The following USP19 variants were observed in gnomAD, a reference collection of about 807,000 sequenced individuals.
USP19 encodes ubiquitin carboxyl-terminal hydrolase 19.
A neutral mutation model predicts 144.8 loss-of-function variants in USP19; 40 were observed. That is an observed-to-expected ratio of 0.28 (90% CI 0.21 to 0.36). USP19 has a LOEUF of 0.36. Ranked by LOEUF, USP19 falls within the 10% of genes least tolerant of loss-of-function variation. The pLI is 1.00. For missense variants in USP19, 1,518 were observed against 1,822.5 expected (o/e 0.83, Z 3.04); for synonymous variants, 701 against 709.3 (o/e 0.99, Z 0.19).
Position 49,108,457 on chromosome 3 carries a change from C to G in USP19, c.4110G>C (p.Val1370=). ...RTAPERFAPP[V]DRPAPTYSNM... The stretch of plus-strand genomic sequence containing the variant: ...TGCTGTAGGTGGGGGCTGGCCGATC[C>G]ACAGGGGGGGCGAAGCGTTCAGGGG... The change falls in exon 27 of 27, where the codon GTG becomes GTC. Residue 1370 remains valine (V), a synonymous_variant. Transcript: ENST00000417901. This position sits in a 1 kb window ranked among gnomAD's most constrained non-coding sequence, Gnocchi z 4.8. 1 of 1,360,430 alleles carries G rather than the reference C, an allele frequency of 7.4e-7. No individual in the cohort carries two copies. The highest frequency in any genetic ancestry group is 9.6e-7 in the Non-Finnish European group (1 of 1,045,454). The allele number at this position is 1,360,430 out of a possible 1,614,324, so 84.3% of individuals were successfully genotyped here. A position where few individuals can be genotyped will look rare whatever the true frequency, so the allele number is the denominator to read the frequency against.
At chr3:49,119,380 G>A in intron 1 of USP19, 99 bp from the exon 2 acceptor site, 1 of 487,952 alleles carries the variant, frequency 2.0e-6, no homozygotes, top group South Asian at 3.0e-5. Context: ...CTACAGAGCT[G>A]TATCTTCTCA....
At chr3:49,120,108 T>G (rs983530242) in intron 1 of USP19, among the ~76,000 whole-genome samples, 1 of 152,174 alleles carries the variant, frequency 6.6e-6, no homozygotes, top group African/African-American at 2.4e-5. Context: ...CTGGACTGTT[T>G]CCTCCTCCAA....
At position 49,114,900 on chromosome 3, in the gene USP19, A is replaced by G. The variant is rs368792398; in HGVS notation, c.2182-27T>C. 8 of 1,614,146 alleles carry G rather than the reference A, an allele frequency of 5.0e-6. No individual in the cohort carries two copies. In the Middle Eastern group the frequency reaches 4.9e-4, roughly 100 times the overall value. On this transcript the variant is annotated intron_variant, in intron 14 of 26. Coordinates refer to ENST00000417901, the MANE Select transcript of USP19 (RefSeq NM_001199161.2). This position sits in a 1 kb window ranked among gnomAD's most constrained non-coding sequence, Gnocchi z 4.5. Reference sequence around the variant, plus strand: ...TGAGAGGCAGAGTGGTGAGAACCAAAGAGTACCAGGGGCTGGGATGCTCAT... The same window carrying G: ...TGAGAGGCAGAGTGGTGAGAACCAAGGAGTACCAGGGGCTGGGATGCTCAT...
At position 49,117,629 on chromosome 3, in the gene USP19, C is replaced by T. The variant is rs541331465; in HGVS notation, c.472+28G>A. 6.2e-7 allele frequency: 1 copy of T among 1,614,128 alleles called. No homozygotes were observed. Among genetic ancestry groups the T allele is most frequent in the South Asian group, 1.1e-5 (1 of 91,082 alleles). On this transcript the variant is annotated intron_variant, in intron 4 of 26. Transcript: ENST00000417901. The surrounding 1 kb of genome is among the most constrained non-coding windows in gnomAD (Gnocchi z 4.4). ...GGAGATATCAGAAGATTCAAACATA[C>T]TACTGTGCTCAGGGCAGATGGACAC... is the stretch of plus-strand genomic sequence containing the variant.
At position 49,112,051 on chromosome 3, in the gene USP19, G is replaced by C. The variant is rs1560002208; in HGVS notation, c.2766-3C>G. 1.9e-6 allele frequency: 3 copies of C among 1,613,900 alleles called. No individual in the cohort carries two copies. The highest frequency in any genetic ancestry group is 2.2e-5 in the East Asian group (1 of 44,882). On this transcript the variant is annotated splice_region_variant and splice_polypyrimidine_tract_variant and intron_variant, in intron 19 of 26. Transcript: ENST00000417901. The surrounding 1 kb of genome is among the most constrained non-coding windows in gnomAD (Gnocchi z 4.9). Reference sequence around the variant, plus strand: ...GCCAGTGGGTTTTCTGGCAGAGCCTGACGGGAAGAGGAAGACAAGGATAGG... The same window carrying C: ...GCCAGTGGGTTTTCTGGCAGAGCCTCACGGGAAGAGGAAGACAAGGATAGG...
In USP19 at chr3:49,111,200, G is replaced by A. The variant is rs1333967859; in HGVS notation, c.3329-34C>T. On this transcript the variant is annotated intron_variant, in intron 22 of 26. Coordinates refer to ENST00000417901, the MANE Select transcript of USP19 (RefSeq NM_001199161.2). This position sits in a 1 kb window ranked among gnomAD's most constrained non-coding sequence, Gnocchi z 5.9. The stretch of plus-strand genomic sequence containing the variant: ...TCGCAGGGAGAGAGGTCATGCAGCT[G>A]TGGAGAACAGCCAGCTCAACCCACC... The A allele has an allele frequency of 6.2e-7, 1 of 1,614,084 alleles. No homozygotes were observed. Among genetic ancestry groups the A allele is most frequent in the East Asian group, 2.2e-5 (1 of 44,878 alleles).
Position 49,119,241 on chromosome 3 carries a change from C to T in USP19, c.-96G>A, listed in dbSNP as rs2044717509. The T allele has an allele frequency of 1.3e-6, 2 of 1,503,244 alleles. No individual in the cohort carries two copies. Among genetic ancestry groups the T allele is most frequent in the Admixed American group, 2.2e-5 (1 of 45,920 alleles). 93.1% of individuals were successfully genotyped at this position (1,503,244 alleles called of 1,614,324 possible). ...TTTCTTCCTGGCCCAGCTATCTTGG[C>T]AACTCTTTGTGGCCAAATTCTCCAG... On this transcript the variant is annotated 5_prime_UTR_variant, in exon 2 of 27. Coordinates refer to ENST00000417901, the MANE Select transcript of USP19 (RefSeq NM_001199161.2).
chr3:49,112,414 C>T lies in USP19; in HGVS notation c.2647-12G>A, dbSNP rs200279996. On this transcript the variant is annotated splice_polypyrimidine_tract_variant and intron_variant, in intron 18 of 26. Coordinates refer to ENST00000417901, the MANE Select transcript of USP19 (RefSeq NM_001199161.2). This position sits in a 1 kb window ranked among gnomAD's most constrained non-coding sequence, Gnocchi z 4.9. ...GGCACCTGGGGGCGCTAGGGTGGGT[C>T]GTCTGGCTCAGCAAGACCAGGAAGA... 2.5e-4 allele frequency: 397 copies of T among 1,613,890 alleles called. 1 individual carries two copies. In the Middle Eastern group the frequency reaches 4.5e-3, roughly 18 times the overall value.
At position 49,108,954 on chromosome 3, in the gene USP19, G is replaced by T; in HGVS notation, c.4039-426C>A. 6.2e-7 allele frequency: 1 copy of T among 1,606,132 alleles called. No homozygotes were observed. The highest frequency in any genetic ancestry group is 8.5e-7 in the Non-Finnish European group (1 of 1,175,676). On this transcript the variant is annotated intron_variant, in intron 26 of 26. Transcript: ENST00000417901. This position sits in a 1 kb window ranked among gnomAD's most constrained non-coding sequence, Gnocchi z 4.8. ...CAGCTCACAGCAGCTGCCTGCAGGC[G>T]AGCTCATCTCCAGCGACTCTGGGAT...
Position 49,114,888 on chromosome 3 carries a change from G to C in USP19, c.2182-15C>G. ...TCAGCTACCACCTGAGAGGCAGAGTGGTGAGAACCAAAGAGTACCAGGGGC... is the reference window on the plus strand; with the variant it reads ...TCAGCTACCACCTGAGAGGCAGAGTCGTGAGAACCAAAGAGTACCAGGGGC... On this transcript the variant is annotated splice_polypyrimidine_tract_variant and intron_variant, in intron 14 of 26. Transcript: ENST00000417901. The surrounding 1 kb of genome is among the most constrained non-coding windows in gnomAD (Gnocchi z 4.5). 6.2e-7 allele frequency: 1 copy of C among 1,614,154 alleles called. No homozygotes were observed. Among genetic ancestry groups the C allele is most frequent in the Non-Finnish European group, 8.5e-7 (1 of 1,180,024 alleles).
At chr3:49,113,321 G>A (rs1308861321) in intron 17 of USP19, among the ~76,000 whole-genome samples, 1 of 152,110 alleles carries the variant, frequency 6.6e-6, no homozygotes, top group Admixed American at 6.5e-5. Context: ...CTGTCACCCA[G>A]GCTGGAGTGC....
chr3:49,110,693 C>A lies in USP19; in HGVS notation c.3698+18G>T, dbSNP rs754294280. ...GGTCCTCACACCCCACCCACAGTTA[C>A]CAAGGTCCACTGCTTACCTAACAGG... On this transcript the variant is annotated intron_variant, in intron 24 of 26. Transcript: ENST00000417901. The surrounding 1 kb of genome is among the most constrained non-coding windows in gnomAD (Gnocchi z 6.1). 1.2e-6 allele frequency: 2 copies of A among 1,613,040 alleles called. No homozygotes were observed. Among genetic ancestry groups the A allele is most frequent in the South Asian group, 1.1e-5 (1 of 91,036 alleles).
chr3:49,114,642 G>T lies in USP19; in HGVS notation c.2292+121C>A. 9.3e-7 allele frequency: 1 copy of T among 1,072,234 alleles called. No individual in the cohort carries two copies. The allele number at this position is 1,072,234 out of a possible 1,614,324, so 66.4% of individuals were successfully genotyped here. A position where few individuals can be genotyped will look rare whatever the true frequency, so the allele number is the denominator to read the frequency against. On this transcript the variant is annotated intron_variant, in intron 15 of 26. Transcript: ENST00000417901. The surrounding 1 kb of genome is among the most constrained non-coding windows in gnomAD (Gnocchi z 4.5). ...CCAAATAGAATCCTAAGGCCTCCCT[G>T]CCAGCTTCTTTGCCCAAACCTTGCC...
Position 49,117,364 on chromosome 3 carries a change from G to A in USP19, c.607-3C>T, listed in dbSNP as rs746353755. 1.9e-6 allele frequency: 3 copies of A among 1,598,080 alleles called. No individual in the cohort carries two copies. Among genetic ancestry groups the A allele is most frequent in the Non-Finnish European group, 1.7e-6 (2 of 1,169,080 alleles). On this transcript the variant is annotated splice_region_variant and splice_polypyrimidine_tract_variant and intron_variant, in intron 5 of 26. Coordinates refer to ENST00000417901, the MANE Select transcript of USP19 (RefSeq NM_001199161.2). This position sits in a 1 kb window ranked among gnomAD's most constrained non-coding sequence, Gnocchi z 4.4. ...TCCTGGGTCCCTAGAGGTTTCTTCT[G>A]CCAAAGATACAGCAGTCAGGCCCTG...
chr3:49,109,029 T>C, intron 26 of USP19: 1 of 1,613,556 alleles, frequency 6.2e-7, no homozygotes, highest in South Asian at 1.1e-5. Flanking sequence ...GCCGCCACGG[T>C]GCCCAGGACA....
Position 49,114,032 on chromosome 3 carries a change from TGA to T in USP19, c.2463_2464del (p.Gln822GlufsTer7). On this transcript the variant is annotated frameshift_variant, in exon 17 of 27. Transcript: ENST00000417901. LOFTEE classifies it high-confidence loss of function. The surrounding 1 kb of genome is among the most constrained non-coding windows in gnomAD (Gnocchi z 4.5). ...GTTCTCAGGCTTCACATGAACACTC[TGA>T]GAGAGGGAGTCCAATACTTCGCTCG... The T allele has an allele frequency of 1.2e-6, 2 of 1,614,188 alleles. No individual in the cohort carries two copies. The highest frequency in any genetic ancestry group is 1.7e-6 in the Non-Finnish European group (2 of 1,180,044).
At chr3:49,113,903 G>A (rs2043623333) in intron 17 of USP19, 89 bp downstream of exon 17, 3 of 1,397,542 alleles carry the variant, frequency 2.1e-6, no homozygotes, top group African/African-American at 1.4e-5. Context: ...CCATGTGTAT[G>A]TCTGTAGATG....
At position 49,116,548 on chromosome 3, in the gene USP19, C is replaced by G. The variant is rs771925404; in HGVS notation, c.1186G>C (p.Asp396His). Residue 396 changes from aspartate to histidine, a missense_variant, in exon 8 of 27, where the codon GAT (aspartate) becomes CAT (histidine). Physicochemically the swap from Asp to His is moderately conservative, Grantham distance 81 (BLOSUM62 -1). Around this residue, in one of 5 missense-constraint regions of USP19, gnomAD observed 707 missense variants for 728.9 expected, o/e 0.97. Transcript: ENST00000417901. The surrounding 1 kb of genome is among the most constrained non-coding windows in gnomAD (Gnocchi z 5.0). ...VKNDSYEKGPDSVVVHVYVKE... is the reference protein window; with the variant it reads ...VKNDSYEKGPHSVVVHVYVKE... ...ACGTACACGTGCACCACCACTGAAT[C>G]CGGGCCCTTCTCATACGAGTCATTC... 9 of 1,614,118 alleles carry G rather than the reference C, an allele frequency of 5.6e-6. No homozygotes were observed. In the Admixed American group the frequency reaches 6.7e-5, roughly 12 times the overall value.
Position 49,108,509 on chromosome 3 carries a change from G to C in USP19, c.4058C>G (p.Ala1353Gly). Residue 1353 changes from alanine (A) to glycine (G), a missense_variant, in exon 27 of 27, where the codon GCC becomes GGC. Around this residue, in one of 5 missense-constraint regions of USP19, gnomAD observed 118 missense variants for 100.2 expected, o/e 1.18. Transcript: ENST00000417901. The surrounding 1 kb of genome is among the most constrained non-coding windows in gnomAD (Gnocchi z 4.8). ...TGTCCGCGTGGGGGCCACCTCGGGG[G>C]CCTGGCCAGGGCCTAGTCCCTGCAA... is the stretch of plus-strand genomic sequence containing the variant. ...AASQGLGPGQAPEVAPTRTAP... is the reference protein window; with the variant it reads ...AASQGLGPGQGPEVAPTRTAP... The C allele has an allele frequency of 8.0e-7, 1 of 1,247,876 alleles. No individual in the cohort carries two copies. Among genetic ancestry groups the C allele is most frequent in the Non-Finnish European group, 1.0e-6 (1 of 969,244 alleles). 77.3% of individuals were successfully genotyped at this position (1,247,876 alleles called of 1,614,324 possible).
Sources: allele counts gnomAD v4.1 joint callset (sites outside exome capture counted in the v4.1 genomes callset), GRCh38; gene constraint gnomAD v4.1.1; regional missense constraint gnomAD v4.1.1; non-coding constraint Gnocchi (gnomAD v3.1); transcripts MANE v1.5; gene names NCBI Gene and HGNC (gene_info 2026-07-23, HGNC 2026-07-21).